Variants in POLA1 observed in about 807,000 individuals in gnomAD.
POLA1 encodes the protein DNA polymerase alpha catalytic subunit.
In POLA1, 15 loss-of-function variants were observed where a neutral mutation model predicts 124.0. That is an observed-to-expected ratio of 0.12 (90% CI 0.08 to 0.19). The LOEUF (loss-of-function observed/expected upper bound fraction) is 0.19, where lower values mean the gene tolerates loss of function less well. Among genes scored for constraint, POLA1 ranks in the 10% least tolerant of loss-of-function variants. The pLI is 1.00. For missense variants in POLA1, 886 were observed against 1,103.4 expected (o/e 0.80, Z 2.79); for synonymous variants, 408 against 389.4 (o/e 1.05, Z -0.56).
intron 26 of POLA1, among the ~76,000 whole-genome samples, chrX:24,755,736 G>C: frequency 8.9e-6 from 1 of 111,782 alleles, no homozygotes; most frequent in Non-Finnish European, 1.9e-5. Context: ...CCACAAGAAA[G>C]CTTTCCCTCC....
At chrX:24,744,626 C>T (rs1931884638) in intron 23 of POLA1, 2 of 322,460 alleles carry the variant, frequency 6.2e-6, no homozygotes, top group Non-Finnish European at 1.1e-5. Context: ...GTAAATGTGC[C>T]GTCCATTTTA....
intron 31 of POLA1, among the ~76,000 whole-genome samples, chrX:24,824,324 G>A (rs113443445): frequency 1.2e-4 from 13 of 110,166 alleles, no homozygotes; most frequent in African/African-American, 2.0e-4. Flanking sequence ...ACAGGGTCTC[G>A]CTCTGTCACT....
At chrX:24,842,891 T>C (rs910994721) in intron 33 of POLA1, among the ~76,000 whole-genome samples, 4 of 111,970 alleles carry the variant, frequency 3.6e-5, no homozygotes, top group African/African-American at 1.3e-4. Flanking sequence ...ATATATTACA[T>C]TTGCCTTGTC....
At chrX:24,736,145 T>C (rs750019768) in intron 18 of POLA1, among the ~76,000 whole-genome samples, 8 of 111,753 alleles carry the variant, frequency 7.2e-5, no homozygotes, top group Non-Finnish European at 1.5e-4. Context: ...TTCAGAGGAA[T>C]GTAGGCTATA....
chrX:24,877,163 G>A (rs1357278309), intron 34 of POLA1, among the ~76,000 whole-genome samples: 1 of 111,594 alleles, frequency 9.0e-6, no homozygotes, highest in East Asian at 2.8e-4. Flanking sequence ...TGGGGGAGGG[G>A]GTGAGTAAGT....
At chrX:24,982,122 G>A (rs2048429702) in intron 36 of POLA1, among the ~76,000 whole-genome samples, 1 of 108,746 alleles carries the variant, frequency 9.2e-6, no homozygotes, top group Non-Finnish European at 1.9e-5. Flanking sequence ...TTTCAGTGAT[G>A]AGCAGCGAAT....
chrX:24,765,419 C>T (rs1932881340), intron 26 of POLA1, among the ~76,000 whole-genome samples: 1 of 109,020 alleles, frequency 9.2e-6, no homozygotes, highest in Non-Finnish European at 1.9e-5. Context: ...CCTCAGCCTC[C>T]TGAGTAGCTG....
At chrX:24,958,909 G>A (rs2147257734) in intron 36 of POLA1, among the ~76,000 whole-genome samples, 1 of 111,559 alleles carries the variant, frequency 9.0e-6, no homozygotes, top group East Asian at 2.8e-4. Context: ...AGTCTAACTC[G>A]ACTGATCGAG....
chrX:24,772,970 T>C (rs772347073), intron 26 of POLA1, among the ~76,000 whole-genome samples: 5 of 111,279 alleles, frequency 4.5e-5, no homozygotes, highest in Non-Finnish European at 9.4e-5. Flanking sequence ...AAAATGGGGG[T>C]ACGTACATGA....
chrX:24,851,340 C>G (rs1473875202), intron 34 of POLA1, among the ~76,000 whole-genome samples: 1 of 112,701 alleles, frequency 8.9e-6, no homozygotes, highest in African/African-American at 3.2e-5. Context: ...ATAGTAGCAT[C>G]AAGACTGTGA....
intron 35 of POLA1, among the ~76,000 whole-genome samples, chrX:24,927,868 G>A (rs1179600247): frequency 3.6e-5 from 4 of 112,061 alleles, no homozygotes; most frequent in Non-Finnish European, 7.5e-5. Context: ...CAGGTTTCTT[G>A]ATTAGAAGAA....
At chrX:24,946,383 A>G (rs978248360) in intron 36 of POLA1, among the ~76,000 whole-genome samples, 5 of 110,571 alleles carry the variant, frequency 4.5e-5, no homozygotes, top group Non-Finnish European at 9.4e-5. Flanking sequence ...TGGGGTGCTC[A>G]TCTTACCTGG....
intron 34 of POLA1, among the ~76,000 whole-genome samples, chrX:24,862,401 A>C (rs1010234956): frequency 8.9e-6 from 1 of 111,960 alleles, no homozygotes; most frequent in Non-Finnish European, 1.9e-5. Flanking sequence ...ATCCAAAAAA[A>C]GTTGCCTTAT....
chrX:24,932,185 C>T (rs2047793446), intron 36 of POLA1, among the ~76,000 whole-genome samples: 1 of 113,010 alleles, frequency 8.8e-6, no homozygotes, highest in Non-Finnish European at 1.9e-5. Context: ...AGGCGTGAGC[C>T]ACTGTGCCTG....
chrX:24,734,315 G>A (rs1428727489), intron 17 of POLA1: 2 of 111,853 alleles, frequency 1.8e-5, no homozygotes, highest in African/African-American at 6.5e-5. Context: ...GGGAGGAGTG[G>A]GAAGTAGTAT....
At chrX:24,864,013 G>A (rs1333893726) in intron 34 of POLA1, among the ~76,000 whole-genome samples, 5 of 106,832 alleles carry the variant, frequency 4.7e-5, no homozygotes, top group African/African-American at 1.7e-4. Context: ...ATGGAGTCTC[G>A]CTCTGTCACC....
At chrX:24,972,055 G>A (rs2048309740) in intron 36 of POLA1, among the ~76,000 whole-genome samples, 2 of 109,606 alleles carry the variant, frequency 1.8e-5, no homozygotes, top group East Asian at 2.9e-4. Context: ...TGCAACCTCC[G>A]CCTCTCAGGT....
At chrX:24,894,149 G>A (rs758154306) in intron 35 of POLA1, among the ~76,000 whole-genome samples, 1 of 111,849 alleles carries the variant, frequency 8.9e-6, no homozygotes, top group African/African-American at 3.3e-5. Context: ...AAATTGAGGA[G>A]CCCAAAACTG....
At chrX:24,872,705 AG>A (rs1409762334) in intron 34 of POLA1, among the ~76,000 whole-genome samples, 1 of 111,654 alleles carries the variant, frequency 9.0e-6, no homozygotes, top group Admixed American at 9.5e-5. Flanking sequence ...GTTTTTTAAA[AG>A]GGGGTAGTTC....
Sources: gnomAD v4.1 joint callset for allele counts (sites outside exome capture counted in the v4.1 genomes callset) on GRCh38, gnomAD v4.1.1 for gene constraint, MANE v1.5 for transcripts, NCBI Gene and HGNC (gene_info 2026-07-23, HGNC 2026-07-21) for gene names.